PSMD14: variants seen among roughly 807,000 people sequenced by gnomAD.
The protein encoded by PSMD14 is ubiquitin C-terminal hydrolase PSMD14.
A neutral mutation model predicts 41.2 loss-of-function variants in PSMD14; 7 were observed. The observed-to-expected ratio is 0.17, with a 90% CI of 0.10 to 0.32. The LOEUF (loss-of-function observed/expected upper bound fraction) is 0.32. PSMD14 is among the 10% of genes least tolerant of loss of function. The pLI, the probability that PSMD14 is intolerant of heterozygous loss-of-function variation, is 1.00. For synonymous variants in PSMD14, 114 were observed against 122.3 expected (o/e 0.93, Z 0.45); for missense variants, 139 against 375.6 (o/e 0.37, Z 5.21).
At chr2:161,313,372 T>C (rs889575475) in intron 1 of PSMD14, among the ~76,000 whole-genome samples, 1 of 152,158 alleles carries the variant, frequency 6.6e-6, no homozygotes, top group Non-Finnish European at 1.5e-5. Context: ...ATTTTTGAGA[T>C]GGAGTCTTGC....
intron 3 of PSMD14, among the ~76,000 whole-genome samples, chr2:161,345,806 A>G (rs1574124261): frequency 6.6e-6 from 1 of 151,814 alleles, no homozygotes; most frequent in African/African-American, 2.4e-5. Context: ...TTTTCTGCTT[A>G]TAATTGTAGA....
intron 9 of PSMD14, among the ~76,000 whole-genome samples, chr2:161,393,971 ATTTTT>A (rs11452254): frequency 9.9e-6 from 1 of 100,892 alleles, no homozygotes; most frequent in East Asian, 2.7e-4. Flanking sequence ...ACACTAGATA[ATTTTT>A]TTTTTTTTTT....
At chr2:161,388,823 C>T (rs925408656) in intron 8 of PSMD14, among the ~76,000 whole-genome samples, 2 of 152,188 alleles carry the variant, frequency 1.3e-5, no homozygotes, top group East Asian at 1.9e-4. Context: ...TTTTATAATG[C>T]ACCTGCTTTT....
intron 7 of PSMD14, chr2:161,381,420 C>G (rs2105262508): frequency 6.6e-6 from 1 of 151,564 alleles, no homozygotes; most frequent in Admixed American, 6.6e-5. Context: ...GCAACTGGAC[C>G]AAAGGCAACT....
At position 161,372,811 on chromosome 2, in the gene PSMD14, T is replaced by C. The variant is rs940577755; in HGVS notation, c.462+1489T>C. ...AGTAATGATTACTGTTTTACAAATA[T>C]AACAATTATCTAATAAAGTCCCCTA... is the stretch of plus-strand genomic sequence containing the variant. On this transcript the variant is annotated intron_variant, in intron 7 of 11. Coordinates refer to ENST00000409682, the MANE Select transcript of PSMD14 (RefSeq NM_005805.6). Among the ~76,000 whole-genome samples, 11 of 151,944 alleles carry C rather than the reference T, an allele frequency of 7.2e-5. No homozygotes were observed. In the East Asian group the frequency reaches 1.2e-3, roughly 16 times the overall value.
intron 3 of PSMD14, among the ~76,000 whole-genome samples, chr2:161,330,099 T>C (rs2113480): frequency 0.77 from 117,738 of 152,176 alleles, 45,650 homozygotes; most frequent in Admixed American, 0.81. Flanking sequence ...TTATGATAAA[T>C]AAATTTGTTC....
chr2:161,311,847 T>G (rs565773217), intron 1 of PSMD14, among the ~76,000 whole-genome samples: 86 of 152,030 alleles, frequency 5.7e-4, no homozygotes, highest in African/African-American at 2.1e-3. Context: ...ACTCCTGACC[T>G]CAGGTGATCC....
chr2:161,405,606 T>C (rs1379333635), intron 10 of PSMD14, among the ~76,000 whole-genome samples: 1 of 152,184 alleles, frequency 6.6e-6, no homozygotes, highest in Non-Finnish European at 1.5e-5. Context: ...AAACTAGTTT[T>C]AATGTCTTCA....
chr2:161,366,987 A>G lies in PSMD14; in HGVS notation c.49-491A>G, dbSNP rs111932665. Among the ~76,000 whole-genome samples the G allele has an allele frequency of 1.4e-3, 219 of 152,326 alleles. 3 individuals are homozygous for G. Among genetic ancestry groups the G allele is most frequent in the African/African-American group, 5.0e-3 (209 of 41,586 alleles). Reference sequence around the variant, plus strand: ...GAGGGGAACAGCTTCATTAGGTGACATGCAGAGGATGTTGTTCACAGCTCT... The same window carrying G: ...GAGGGGAACAGCTTCATTAGGTGACGTGCAGAGGATGTTGTTCACAGCTCT... On this transcript the variant is annotated intron_variant, in intron 3 of 11. Transcript: ENST00000409682.
chr2:161,403,477 C>T (rs1683909057), intron 10 of PSMD14, among the ~76,000 whole-genome samples: 1 of 152,090 alleles, frequency 6.6e-6, no homozygotes, highest in Admixed American at 6.5e-5. Context: ...GATTGGGGCA[C>T]TAAATGTGAT....
chr2:161,367,154 A>G (rs1194770580), intron 3 of PSMD14, among the ~76,000 whole-genome samples: 1 of 152,200 alleles, frequency 6.6e-6, no homozygotes, highest in Non-Finnish European at 1.5e-5. Flanking sequence ...TGCTAGTCCA[A>G]CAGCATTTCA....
chr2:161,395,226 C>G, intron 10 of PSMD14, 23 bp downstream of exon 10: 2 of 1,541,066 alleles, frequency 1.3e-6, no homozygotes, highest in South Asian at 1.2e-5. Context: ...TCTGCCATTT[C>G]TTCTTTATAA....
chr2:161,391,291 ATAT>A, intron 9 of PSMD14, 113 bp downstream of exon 9: 3 of 1,065,466 alleles, frequency 2.8e-6, no homozygotes, highest in Non-Finnish European at 3.8e-6. Flanking sequence ...GTGTTTCCAA[ATAT>A]TATTCCATTA....
intron 3 of PSMD14, among the ~76,000 whole-genome samples, chr2:161,350,789 C>T (rs148657360): frequency 1.8e-4 from 27 of 152,340 alleles, no homozygotes; most frequent in African/African-American, 6.3e-4. Flanking sequence ...TGGATATGGT[C>T]TGAAGGTATT....
At chr2:161,344,119 G>T (rs1683007940) in intron 3 of PSMD14, among the ~76,000 whole-genome samples, 1 of 147,638 alleles carries the variant, frequency 6.8e-6, no homozygotes, top group African/African-American at 2.5e-5. Context: ...TGGTGCGGGG[G>T]GGTGGGGAGC....
At chr2:161,410,065 T>A (rs1474836052) in intron 11 of PSMD14, among the ~76,000 whole-genome samples, 1 of 152,134 alleles carries the variant, frequency 6.6e-6, no homozygotes, top group Non-Finnish European at 1.5e-5. Context: ...CTGAAAAATA[T>A]GTAATTGGCA....
intron 7 of PSMD14, chr2:161,384,514 C>T (rs1348346120): frequency 1.4e-5 from 2 of 142,258 alleles, no homozygotes; most frequent in Admixed American, 7.3e-5. Context: ...AAATCTTAAT[C>T]GTTCAGCACT....
intron 1 of PSMD14, among the ~76,000 whole-genome samples, chr2:161,310,951 C>T (rs1689080464): frequency 1.3e-5 from 2 of 152,174 alleles, no homozygotes; most frequent in African/African-American, 2.4e-5. Flanking sequence ...AGTCAGCCCT[C>T]CATATCTTTG....
chr2:161,348,721 C>T (rs955877836), intron 3 of PSMD14, among the ~76,000 whole-genome samples: 3 of 152,084 alleles, frequency 2.0e-5, no homozygotes, highest in East Asian at 1.9e-4. Flanking sequence ...ATGAGAATAG[C>T]GGTGACATCT....
Sources: gnomAD v4.1 joint callset for allele counts (sites outside exome capture counted in the v4.1 genomes callset) on GRCh38, gnomAD v4.1.1 for gene constraint, MANE v1.5 for transcripts, NCBI Gene and HGNC (gene_info 2026-07-23, HGNC 2026-07-21) for gene names.